CD44: variants seen among roughly 807,000 people sequenced by gnomAD.
CD44 encodes CD44 antigen.
CD44 carries 49 observed loss-of-function variants against 88.8 expected under a neutral mutation model. The ratio of observed to expected loss-of-function variants is 0.55; its 90% CI spans 0.44 to 0.70. The LOEUF (loss-of-function observed/expected upper bound fraction) is 0.70. Ranked by LOEUF, CD44 falls within the 30% of genes least tolerant of loss-of-function variation. The pLI is 0.00. For missense variants in CD44, 883 were observed against 913.8 expected, an observed-to-expected ratio of 0.97 and a Z score of 0.43; for synonymous variants, 325 against 312.3, an observed-to-expected ratio of 1.04 and a Z score of -0.43.
At position 35,230,715 on chromosome 11, in the gene CD44, A is replaced by G. The variant is rs1950020279; in HGVS notation, c.*1382A>G. On this transcript the variant is annotated 3_prime_UTR_variant, in exon 18 of 18. Transcript: ENST00000428726. Reference sequence around the variant, plus strand: ...AAGAGAGTACTGGCTTTATCCTCTAACCTCATATTTTCTCCCACTTGGCAA... The same window carrying G: ...AAGAGAGTACTGGCTTTATCCTCTAGCCTCATATTTTCTCCCACTTGGCAA... 6.6e-6 allele frequency: 1 copy of G among 152,112 alleles called. No individual in the cohort carries two copies. Among genetic ancestry groups the G allele is most frequent in the Admixed American group, 6.5e-5 (1 of 15,274 alleles). 9.4% of individuals were successfully genotyped at this position (152,112 alleles called of 1,614,324 possible).
In CD44 at chr11:35,180,132, A is replaced by G. The variant is rs1044529162; in HGVS notation, c.234-142A>G. On this transcript the variant is annotated intron_variant, in intron 2 of 17. Coordinates refer to ENST00000428726, the MANE Select transcript of CD44 (RefSeq NM_000610.4). ...CTATGCTGTTATTTTTGGATTTCAA[A>G]TAACTCGGTTGTTGAAACCTCCGAT... 2.7e-5 allele frequency: 19 copies of G among 701,520 alleles called. No homozygotes were observed. In the African/African-American group the frequency reaches 3.2e-4, roughly 12 times the overall value. The allele number at this position is 701,520 out of a possible 1,614,324, so 43.5% of individuals were successfully genotyped here. A position where few individuals can be genotyped will look rare whatever the true frequency, so the allele number is the denominator to read the frequency against.
At chr11:35,177,011 A>G (rs1351700779) in intron 2 of CD44, 3 of 377,004 alleles carry the variant, frequency 8.0e-6, no homozygotes, top group Non-Finnish European at 1.4e-5. Flanking sequence ...ACCTGCTTCC[A>G]CAGAGCTCTC....
intron 5 of CD44, among the ~76,000 whole-genome samples, chr11:35,191,216 G>A (rs977190807): frequency 1.3e-5 from 2 of 152,150 alleles, no homozygotes; most frequent in African/African-American, 4.8e-5. Flanking sequence ...TCTATTCCTT[G>A]TCACCCAGAA....
intron 5 of CD44, among the ~76,000 whole-genome samples, chr11:35,193,168 T>C (rs1946436706): frequency 6.6e-6 from 1 of 152,208 alleles, no homozygotes; most frequent in South Asian, 2.1e-4. Context: ...GTCCAGTCTT[T>C]TGGCTTCCCT....
chr11:35,185,497 T>A (rs1945570595), intron 3 of CD44, among the ~76,000 whole-genome samples: 1 of 152,146 alleles, frequency 6.6e-6, no homozygotes, highest in African/African-American at 2.4e-5. Context: ...ACACAAAAAT[T>A]ATAGCAGGAC....
chr11:35,190,116 G>A (rs1946125234), intron 5 of CD44, 51 bp downstream of exon 5: 10 of 1,477,464 alleles, frequency 6.8e-6, no homozygotes, highest in Non-Finnish European at 8.5e-6. Context: ...CTGGCAAAAT[G>A]TCTCTGACCT....
At chr11:35,144,247 T>C (rs1490186985) in intron 1 of CD44, among the ~76,000 whole-genome samples, 1 of 152,212 alleles carries the variant, frequency 6.6e-6, no homozygotes, top group African/African-American at 2.4e-5. Context: ...GCAATTGTGC[T>C]TCCCCGGCAC....
intron 7 of CD44, among the ~76,000 whole-genome samples, chr11:35,199,494 A>G (rs1320048925): frequency 1.3e-5 from 2 of 152,152 alleles, no homozygotes; most frequent in African/African-American, 2.4e-5. Flanking sequence ...CTGAAGTTCT[A>G]TCCATTCCAT....
At chr11:35,199,076 G>A (rs1947050597) in intron 7 of CD44, among the ~76,000 whole-genome samples, 1 of 152,072 alleles carries the variant, frequency 6.6e-6, no homozygotes. Context: ...GCCCAGCTGA[G>A]GTCAAAGGAA....
chr11:35,157,271 C>T (rs186900944), intron 1 of CD44, among the ~76,000 whole-genome samples: 2 of 152,170 alleles, frequency 1.3e-5, no homozygotes, highest in African/African-American at 4.8e-5. Context: ...GTTCCAAACT[C>T]AACTTCTTAA....
At chr11:35,152,351 T>C (rs181396656) in intron 1 of CD44, among the ~76,000 whole-genome samples, 78 of 152,234 alleles carry the variant, frequency 5.1e-4, no homozygotes, top group African/African-American at 1.8e-3. Flanking sequence ...AGAACCAAGG[T>C]ATAAACAAAA....
At chr11:35,142,533 T>A (rs1301853895) in intron 1 of CD44, among the ~76,000 whole-genome samples, 1 of 152,160 alleles carries the variant, frequency 6.6e-6, no homozygotes, top group Non-Finnish European at 1.5e-5. Context: ...CTCCCTTCTC[T>A]CTAATTGAGC....
At chr11:35,212,882 G>A (rs952668452) in intron 14 of CD44, 5 of 152,232 alleles carry the variant, frequency 3.3e-5, no homozygotes, top group Non-Finnish European at 7.3e-5. Flanking sequence ...GTAGTACAGT[G>A]GCGCGATCTC....
chr11:35,153,006 AGTT>A, intron 1 of CD44, among the ~76,000 whole-genome samples: 1 of 152,214 alleles, frequency 6.6e-6, no homozygotes, highest in East Asian at 1.9e-4. Flanking sequence ...AGAGAAAGGA[AGTT>A]ATCGTGGTCT....
intron 17 of CD44, chr11:35,223,297 T>C (rs568589339): frequency 1.0e-6 from 1 of 985,284 alleles, no homozygotes; most frequent in East Asian, 1.1e-4. Context: ...GGATTACTTT[T>C]GCTCAATTAA....
intron 3 of CD44, 60 bp downstream of exon 3, chr11:35,180,467 C>T: frequency 6.3e-7 from 1 of 1,595,458 alleles, no homozygotes; most frequent in Non-Finnish European, 8.6e-7. Context: ...GTCTTTGGAG[C>T]TCAGCTTAAG....
At position 35,231,899 on chromosome 11, in the gene CD44, G is replaced by C. The variant is rs1950076756; in HGVS notation, c.*2566G>C. On this transcript the variant is annotated 3_prime_UTR_variant, in exon 18 of 18. Transcript: ENST00000428726. ...CTCCTGAAGACTTCCCTTAAAATTA[G>C]CTCTGAGTGAAAAATCAAAAGAGAC... 1 of 152,198 alleles carries C rather than the reference G, an allele frequency of 6.6e-6. No homozygotes were observed. Among genetic ancestry groups the C allele is most frequent in the Admixed American group, 6.5e-5 (1 of 15,274 alleles). The allele number at this position is 152,198 out of a possible 1,614,324, so 9.4% of individuals were successfully genotyped here.
intron 9 of CD44, among the ~76,000 whole-genome samples, chr11:35,203,744 A>G (rs1251475455): frequency 6.6e-6 from 1 of 151,974 alleles, no homozygotes; most frequent in East Asian, 1.9e-4. Context: ...GCTGCTATAG[A>G]CAAAAATGTT....
chr11:35,220,037 A>G (rs1454852586), intron 16 of CD44, among the ~76,000 whole-genome samples: 1 of 152,246 alleles, frequency 6.6e-6, no homozygotes, highest in Non-Finnish European at 1.5e-5. Context: ...ATAGAGAATT[A>G]CTAAAGGGAA....
Sources: allele counts gnomAD v4.1 joint callset (sites outside exome capture counted in the v4.1 genomes callset), GRCh38; gene constraint gnomAD v4.1.1; transcripts MANE v1.5; gene names NCBI Gene and HGNC (gene_info 2026-07-23, HGNC 2026-07-21).